The following NMS variants were observed in gnomAD, a reference collection of about 807,000 sequenced individuals.
The protein encoded by NMS is neuromedin S.
Under a neutral mutation model 32.2 loss-of-function variants are expected in NMS, and 30 were observed. The ratio of observed to expected loss-of-function variants is 0.93; its 90% confidence interval spans 0.70 to 1.26. The LOEUF is 1.26. NMS is among the 50% of genes most tolerant of loss of function. The pLI is 0.00. For synonymous variants in NMS, 76 were observed against 58.5 expected (o/e 1.30, Z -1.37); for missense variants, 190 against 186.3 (o/e 1.02, Z -0.12).
chr2:100,480,165 A>G (rs1269913607), intron 6 of NMS, among the ~76,000 whole-genome samples: 3 of 152,250 alleles, frequency 2.0e-5, no homozygotes. Flanking sequence ...AACAAGCTGA[A>G]GAAGCTAAAA....
At chr2:100,483,156 T>C (rs1677251416) in intron 9 of NMS, 96 bp from the exon 10 acceptor site, 5 of 1,095,184 alleles carry the variant, frequency 4.6e-6, no homozygotes, top group South Asian at 2.8e-5. Flanking sequence ...TGAGGTCTAA[T>C]TGTAAAATAT....
chr2:100,481,339 A>G (rs1677211716), intron 8 of NMS, among the ~76,000 whole-genome samples, 172 bp downstream of exon 8: 1 of 152,098 alleles, frequency 6.6e-6, no homozygotes. Flanking sequence ...TCCTCCTACA[A>G]TCTTGCAAAG....
Position 100,482,316 on chromosome 2 carries a change from G to C in NMS, c.449+5G>C. ...AAACATTGAAGATGAGGCCCAGTAGGTAGTCCAAGATCAGCTTCATCACCC... is the reference window on the plus strand; with the variant it reads ...AAACATTGAAGATGAGGCCCAGTAGCTAGTCCAAGATCAGCTTCATCACCC... On this transcript the variant is annotated splice_donor_5th_base_variant and intron_variant, in intron 9 of 9. Transcript: ENST00000376865. 6.2e-7 allele frequency: 1 copy of C among 1,613,802 alleles called. No homozygotes were observed.
chr2:100,477,247 A>G lies in NMS; in HGVS notation c.187A>G (p.Asn63Asp), dbSNP rs1166707128. 3.7e-6 allele frequency: 6 copies of G among 1,613,512 alleles called. No individual in the cohort carries two copies. Among genetic ancestry groups the G allele is most frequent in the Non-Finnish European group, 5.1e-6 (6 of 1,179,426 alleles). Residue 63 changes from asparagine to aspartate, a missense_variant, in exon 4 of 10, where the codon AAT becomes GAT. Physicochemically the swap from Asn to Asp is conservative, Grantham distance 23 (BLOSUM62 1). Transcript: ENST00000376865. ...ACCCTCACAATTCTCTTTCCAGGAT[A>G]ATCAAGACATATACAAAAGGGTGAG... ...WAPLSRQPKD[N>D]QDIYKRFLFH...
At chr2:100,476,138 T>C (rs570356571) in intron 3 of NMS, among the ~76,000 whole-genome samples, 29 of 152,262 alleles carry the variant, frequency 1.9e-4, no homozygotes, top group African/African-American at 5.5e-4. Context: ...CATAACAGTA[T>C]ACAGCTGATG....
At chr2:100,479,277 G>A (rs1302586131) in intron 5 of NMS, 76 bp from the exon 6 acceptor site, 43 of 1,020,096 alleles carry the variant, frequency 4.2e-5, no homozygotes, top group Non-Finnish European at 5.7e-5. Context: ...AAAGAAATGC[G>A]CATAGCCCTG....
intron 5 of NMS, among the ~76,000 whole-genome samples, 180 bp downstream of exon 5, chr2:100,477,594 G>T (rs1677136841): frequency 6.6e-6 from 1 of 152,068 alleles, no homozygotes; most frequent in Admixed American, 6.5e-5. Context: ...TCTGGGCTGG[G>T]GGTGGTAGGT....
chr2:100,480,882 G>A (rs975972625), intron 7 of NMS, among the ~76,000 whole-genome samples: 23 of 152,068 alleles, frequency 1.5e-4, no homozygotes, highest in African/African-American at 2.9e-4. Context: ...CCCAAACACC[G>A]GTGGTTCTCA....
chr2:100,477,482 T>C, intron 5 of NMS, 68 bp downstream of exon 5: 1 of 1,192,832 alleles, frequency 8.4e-7, no homozygotes, highest in Non-Finnish European at 1.2e-6. Context: ...CATCCTTTCT[T>C]AATATGTGCA....
At chr2:100,479,243 C>A in intron 5 of NMS, 110 bp from the exon 6 acceptor site, 2 of 729,356 alleles carry the variant, frequency 2.7e-6, no homozygotes, top group Non-Finnish European at 2.1e-6. Context: ...GAAAATTAAA[C>A]CCATTTGTAA....
intron 3 of NMS, among the ~76,000 whole-genome samples, chr2:100,476,011 A>AAAAAAAAG (rs1677103661): frequency 1.4e-5 from 2 of 147,680 alleles, no homozygotes; most frequent in African/African-American, 2.5e-5. Flanking sequence ...AAAAAAAAAA[A>AAAAAAAAG]GAAAAGAAAA....
At chr2:100,479,253 A>C in intron 5 of NMS, 100 bp from the exon 6 acceptor site, 1 of 780,638 alleles carries the variant, frequency 1.3e-6, no homozygotes, top group Non-Finnish European at 1.9e-6. Context: ...CCCATTTGTA[A>C]GGGAAGTGAG....
At chr2:100,472,095 C>T (rs1182825438) in intron 1 of NMS, among the ~76,000 whole-genome samples, 1 of 152,196 alleles carries the variant, frequency 6.6e-6, no homozygotes, top group Non-Finnish European at 1.5e-5. Context: ...TGTTTTTAAA[C>T]ATAAACTGCT....
At chr2:100,480,845 C>T (rs2104339280) in intron 7 of NMS, among the ~76,000 whole-genome samples, 1 of 152,280 alleles carries the variant, frequency 6.6e-6, no homozygotes, top group South Asian at 2.1e-4. Context: ...GTACAGACTC[C>T]AATAGAGGTA....
At position 100,483,242 on chromosome 2, in the gene NMS, C is replaced by CT. The variant is rs752235186; in HGVS notation, c.450-3dup. On this transcript the variant is annotated splice_polypyrimidine_tract_variant and intron_variant, in intron 9 of 9. Transcript: ENST00000376865. ...GAACTGAGCAGTGCATTTTTCTTTT[C>CT]TTTTTTTAGGATTCAGTGGTGAAAG... The CT allele has an allele frequency of 5.0e-6, 8 of 1,611,476 alleles. No homozygotes were observed. In the East Asian group the frequency reaches 6.7e-5, roughly 13 times the overall value.
chr2:100,471,997 T>G (rs1677013798), intron 1 of NMS, among the ~76,000 whole-genome samples: 1 of 152,224 alleles, frequency 6.6e-6, no homozygotes, highest in Non-Finnish European at 1.5e-5. Flanking sequence ...TAGGCACTGT[T>G]ATTTGAATAT....
At chr2:100,481,892 A>T (rs1485142569) in intron 8 of NMS, among the ~76,000 whole-genome samples, 1 of 151,670 alleles carries the variant, frequency 6.6e-6, no homozygotes, top group African/African-American at 2.4e-5. Context: ...CCACTCTCTC[A>T]CTCCCATGGG....
intron 7 of NMS, 37 bp from the exon 8 acceptor site, chr2:100,481,076 CTTGTAATGCAATA>C (rs1252109804): frequency 6.3e-7 from 1 of 1,595,342 alleles, no homozygotes; most frequent in East Asian, 2.2e-5. Flanking sequence ...TTTTGAAGAA[CTTGTAATGCAATA>C]TGGTTGCATA....
At chr2:100,471,227 G>A (rs1246825079) in intron 1 of NMS, among the ~76,000 whole-genome samples, 1 of 152,196 alleles carries the variant, frequency 6.6e-6, no homozygotes, top group Non-Finnish European at 1.5e-5. Flanking sequence ...CAGGGAAGTG[G>A]GCGGTGGCAG....
Sources: allele counts gnomAD v4.1 joint callset (sites outside exome capture counted in the v4.1 genomes callset), GRCh38; gene constraint gnomAD v4.1.1; transcripts MANE v1.5; gene names NCBI Gene and HGNC (gene_info 2026-07-23, HGNC 2026-07-21).